Variants in ZNF90 observed in about 807,000 individuals in gnomAD.
ZNF90 encodes the protein zinc finger protein 90.
In ZNF90, 11 loss-of-function variants were observed where a neutral mutation model predicts 12.0. The ratio of observed to expected loss-of-function variants is 0.92; its 90% CI spans 0.58 to 1.52. The LOEUF is 1.52. ZNF90 is among the 40% of genes most tolerant of loss of function. The probability of loss-of-function intolerance (pLI) is 0.00; values close to 1 mark genes in which losing one functional copy is unlikely to be tolerated. For synonymous variants in ZNF90, 232 were observed against 240.1 expected (o/e 0.97, Z 0.31); for missense variants, 765 against 711.5 (o/e 1.08, Z -0.86).
intron 1 of ZNF90, among the ~76,000 whole-genome samples, chr19:20,097,672 CT>C (rs1555703404): frequency 6.6e-6 from 1 of 152,168 alleles, no homozygotes; most frequent in Non-Finnish European, 1.5e-5. Context: ...CATTCTTGCC[CT>C]AAATCTGCAG....
chr19:20,089,637 G>T (rs530974831), intron 1 of ZNF90, among the ~76,000 whole-genome samples: 1 of 152,088 alleles, frequency 6.6e-6, no homozygotes. Flanking sequence ...TAAGGAGAAA[G>T]GTTTTTTAAA....
intron 1 of ZNF90, among the ~76,000 whole-genome samples, chr19:20,103,202 A>G (rs2089004155): frequency 6.6e-6 from 1 of 152,214 alleles, no homozygotes; most frequent in African/African-American, 2.4e-5. Flanking sequence ...ACAGAGAAAC[A>G]GGTGGTGAGA....
intron 1 of ZNF90, among the ~76,000 whole-genome samples, chr19:20,081,716 A>G (rs1163592933): frequency 6.6e-6 from 1 of 151,660 alleles, no homozygotes; most frequent in African/African-American, 2.4e-5. Flanking sequence ...CTGTTCATCT[A>G]CATTGCAGTC....
intron 1 of ZNF90, among the ~76,000 whole-genome samples, chr19:20,095,427 G>A (rs999643087): frequency 7.2e-5 from 11 of 152,148 alleles, no homozygotes; most frequent in Non-Finnish European, 1.6e-4. Context: ...AGTTCTTGAG[G>A]ACACAGGCTA....
intron 3 of ZNF90, among the ~76,000 whole-genome samples, chr19:20,113,183 T>A (rs1821272): frequency 0.5 from 75,964 of 151,494 alleles, 22,079 homozygotes; most frequent in Non-Finnish European, 0.65. Context: ...TTTTTATTTT[T>A]TTTTCTTTTT....
intron 1 of ZNF90, among the ~76,000 whole-genome samples, chr19:20,084,220 A>T (rs1568282049): frequency 6.6e-6 from 1 of 151,326 alleles, no homozygotes; most frequent in Admixed American, 6.6e-5. Context: ...CGCATGGCAA[A>T]TTTTTTTTGT....
intron 1 of ZNF90, among the ~76,000 whole-genome samples, chr19:20,100,330 A>C (rs559982052): frequency 6.6e-6 from 1 of 152,344 alleles, no homozygotes; most frequent in East Asian, 1.9e-4. Context: ...TTTCAAAACT[A>C]TCAAGCAGAT....
intron 1 of ZNF90, among the ~76,000 whole-genome samples, chr19:20,099,310 A>G (rs1447191061): frequency 1.3e-5 from 2 of 152,054 alleles, no homozygotes; most frequent in African/African-American, 4.8e-5. Flanking sequence ...AGTAGCTGGG[A>G]TTACAGATGC....
chr19:20,117,821 G>C lies in ZNF90; in HGVS notation c.267G>C (p.Gln89His), dbSNP rs1555705854. 1.3e-6 allele frequency: 2 copies of C among 1,586,382 alleles called. No individual in the cohort carries two copies. The highest frequency in any genetic ancestry group is 1.7e-6 in the Non-Finnish European group (2 of 1,168,464). The change falls in exon 4 of 4, where the codon CAG (glutamine) becomes CAC (histidine). Residue 89 changes from glutamine (Q) to histidine (H), a missense_variant. Physicochemically the swap from Gln to His is conservative, Grantham distance 24. Transcript: ENST00000418063. ...FHFAQDLCPE[Q>H]SLKDSFQKVI... ...TTGCCCAAGACCTTTGTCCAGAGCAGAGCCTAAAAGATTCCTTCCAAAAAG... is the reference window on the plus strand; with the variant it reads ...TTGCCCAAGACCTTTGTCCAGAGCACAGCCTAAAAGATTCCTTCCAAAAAG...
chr19:20,084,202 G>A (rs1430276463), intron 1 of ZNF90, among the ~76,000 whole-genome samples: 1 of 151,782 alleles, frequency 6.6e-6, no homozygotes, highest in Middle Eastern at 3.2e-3. Context: ...TACAGGTGCT[G>A]GCCACCACGC....
At chr19:20,117,551 C>G (rs2089151258) in intron 3 of ZNF90, 2 of 980,784 alleles carry the variant, frequency 2.0e-6, no homozygotes, top group East Asian at 2.3e-4. Flanking sequence ...AATTCTCTGC[C>G]TCAGCTTCCC....
chr19:20,107,089 A>T (rs2089046081), intron 3 of ZNF90: 1 of 439,986 alleles, frequency 2.3e-6, no homozygotes, highest in African/African-American at 2.0e-5. Flanking sequence ...TCCTCAGGTA[A>T]CTGTGTGGGT....
chr19:20,078,057 C>G lies in ZNF90; in HGVS notation c.-76C>G. ...TCTGGTCTTAGCTGCTTCGTGTCTT[C>G]TTCTCCAGCCTCTGTGGCCCTGTGA... is the stretch of plus-strand genomic sequence containing the variant. On this transcript the variant is annotated 5_prime_UTR_variant, in exon 1 of 4. Transcript: ENST00000418063. The G allele has an allele frequency of 6.2e-7, 1 of 1,602,266 alleles. No individual in the cohort carries two copies.
At chr19:20,099,155 T>G (rs1555703567) in intron 1 of ZNF90, among the ~76,000 whole-genome samples, 1 of 152,114 alleles carries the variant, frequency 6.6e-6, no homozygotes, top group African/African-American at 2.4e-5. Flanking sequence ...AAGGGCTATT[T>G]ATGAACAGAA....
intron 3 of ZNF90, among the ~76,000 whole-genome samples, chr19:20,110,664 T>A (rs2089081096): frequency 6.6e-6 from 1 of 152,208 alleles, no homozygotes; most frequent in Non-Finnish European, 1.5e-5. Context: ...TTAACATGGG[T>A]TTCATTTTTA....
At chr19:20,111,410 A>G (rs2089087769) in intron 3 of ZNF90, among the ~76,000 whole-genome samples, 1 of 152,168 alleles carries the variant, frequency 6.6e-6, no homozygotes, top group South Asian at 2.1e-4. Flanking sequence ...TTGTAGAGAC[A>G]GAGTTTTGCC....
intron 1 of ZNF90, among the ~76,000 whole-genome samples, chr19:20,091,460 A>G (rs1367489547): frequency 6.6e-6 from 1 of 152,202 alleles, no homozygotes; most frequent in African/African-American, 2.4e-5. Flanking sequence ...TTGGTCTAAG[A>G]ACCATTTGCC....
chr19:20,082,787 AAG>A (rs1248627633), intron 1 of ZNF90, among the ~76,000 whole-genome samples: 6 of 152,104 alleles, frequency 3.9e-5, no homozygotes, highest in African/African-American at 1.4e-4. Flanking sequence ...GGATTAGTAA[AAG>A]AGAAAGTCCT....
At chr19:20,092,130 C>G (rs782408743) in intron 1 of ZNF90, among the ~76,000 whole-genome samples, 4 of 152,062 alleles carry the variant, frequency 2.6e-5, no homozygotes, top group Non-Finnish European at 5.9e-5. Context: ...GCATTTAAGT[C>G]CAGGCCAGGA....
Sources: gnomAD v4.1 joint callset for allele counts (sites outside exome capture counted in the v4.1 genomes callset) on GRCh38, gnomAD v4.1.1 for gene constraint, MANE v1.5 for transcripts, NCBI Gene and HGNC (gene_info 2026-07-23, HGNC 2026-07-21) for gene names.